PTPRZ1: variants seen among roughly 807,000 people sequenced by gnomAD.
PTPRZ1 encodes receptor-type tyrosine-protein phosphatase zeta.
In PTPRZ1, 82 loss-of-function variants were observed where a neutral mutation model predicts 214.1. That is an observed-to-expected ratio of 0.38 (90% CI 0.32 to 0.46). The LOEUF is 0.46. Among genes scored for constraint, PTPRZ1 ranks in the 20% least tolerant of loss-of-function variants. The pLI, the probability that PTPRZ1 is intolerant of heterozygous loss-of-function variation, is 1.00. For synonymous variants in PTPRZ1, 945 were observed against 987.9 expected (o/e 0.96, Z 0.81); for missense variants, 2,603 against 2,748.7 (o/e 0.95, Z 1.19).
chr7:121,994,473 T>A (rs988428467), intron 8 of PTPRZ1, among the ~76,000 whole-genome samples: 13 of 151,918 alleles, frequency 8.6e-5, no homozygotes, highest in African/African-American at 2.7e-4. Flanking sequence ...TTTTTGTATT[T>A]TTAGTAGAGA....
chr7:121,912,148 A>G (rs1381045356), intron 1 of PTPRZ1, among the ~76,000 whole-genome samples: 1 of 152,190 alleles, frequency 6.6e-6, no homozygotes, highest in Non-Finnish European at 1.5e-5. Flanking sequence ...AGCCCAGTAA[A>G]TCCTAGAGGG....
chr7:121,942,849 A>G (rs1796269484), intron 2 of PTPRZ1, among the ~76,000 whole-genome samples: 1 of 152,200 alleles, frequency 6.6e-6, no homozygotes, highest in African/African-American at 2.4e-5. Context: ...ACCACTTTCC[A>G]ATTTCCTAAT....
chr7:121,908,835 C>G (rs1795190304), intron 1 of PTPRZ1: 1 of 487,878 alleles, frequency 2.0e-6, no homozygotes, highest in Non-Finnish European at 4.0e-6. Flanking sequence ...ATGGGAAAGT[C>G]CAAATATAGT....
intron 6 of PTPRZ1, among the ~76,000 whole-genome samples, chr7:121,981,473 G>T (rs139298723): frequency 6.3e-4 from 96 of 152,330 alleles, no homozygotes; most frequent in African/African-American, 2.3e-3. Flanking sequence ...CAGAGGACTT[G>T]CACTGGGCTG....
intron 2 of PTPRZ1, among the ~76,000 whole-genome samples, chr7:121,958,081 C>G (rs1796766883): frequency 6.6e-6 from 1 of 152,136 alleles, no homozygotes; most frequent in Non-Finnish European, 1.5e-5. Context: ...ATTTCTCATC[C>G]TTGCGTCTGT....
At chr7:121,976,643 C>T (rs1190863079) in intron 5 of PTPRZ1, 142 bp from the exon 6 acceptor site, 45 of 608,078 alleles carry the variant, frequency 7.4e-5, no homozygotes, top group Non-Finnish European at 1.1e-4. Context: ...TTTGTTTTCA[C>T]CTAGCTATAA....
At chr7:121,890,810 C>T (rs1163055698) in intron 1 of PTPRZ1, among the ~76,000 whole-genome samples, 1 of 151,986 alleles carries the variant, frequency 6.6e-6, no homozygotes, top group Non-Finnish European at 1.5e-5. Context: ...ACTGGGACTA[C>T]AGGCATGTGC....
intron 13 of PTPRZ1, chr7:122,028,315 A>C: frequency 2.8e-6 from 1 of 362,856 alleles, no homozygotes; most frequent in Non-Finnish European, 5.0e-6. Context: ...CTGTGCTTTT[A>C]GCATGCCTGA....
At chr7:121,977,018 A>G (rs898462291) in intron 6 of PTPRZ1, among the ~76,000 whole-genome samples, 167 bp downstream of exon 6, 1 of 152,194 alleles carries the variant, frequency 6.6e-6, no homozygotes, top group African/African-American at 2.4e-5. Flanking sequence ...TTCTCACCAA[A>G]TAAATAACAA....
At chr7:121,914,390 C>T (rs1014161469) in intron 1 of PTPRZ1, among the ~76,000 whole-genome samples, 4 of 152,032 alleles carry the variant, frequency 2.6e-5, no homozygotes, top group Non-Finnish European at 5.9e-5. Context: ...TGTTTAAGGT[C>T]CCAAGTAAGC....
intron 1 of PTPRZ1, among the ~76,000 whole-genome samples, chr7:121,925,181 A>T (rs1230414784): frequency 6.6e-6 from 1 of 152,246 alleles, no homozygotes; most frequent in Non-Finnish European, 1.5e-5. Flanking sequence ...TATCTCTAAA[A>T]TAAGAATTAC....
chr7:122,058,876 T>G lies in PTPRZ1; in HGVS notation c.6605T>G (p.Phe2202Cys). The change falls in exon 28 of 30, where the codon TTT becomes TGT. Residue 2202 changes from phenylalanine to cysteine, a missense_variant. Physicochemically the swap from Phe to Cys is radical, Grantham distance 205. Transcript: ENST00000393386. Reference protein sequence around the residue: ...PNPDSPISKTFELISVIKEEA... With the variant: ...PNPDSPISKTCELISVIKEEA... ...CCAGATAGCCCCATTAGTAAAACTTTTGAACTTATAAGTGTTATAAAAGAA... is the reference window on the plus strand; with the variant it reads ...CCAGATAGCCCCATTAGTAAAACTTGTGAACTTATAAGTGTTATAAAAGAA... 3.1e-6 allele frequency: 5 copies of G among 1,593,980 alleles called. No individual in the cohort carries two copies. Among genetic ancestry groups the G allele is most frequent in the African/African-American group, 1.3e-5 (1 of 74,524 alleles).
intron 1 of PTPRZ1, among the ~76,000 whole-genome samples, chr7:121,925,289 C>A (rs1247822419): frequency 6.6e-6 from 1 of 152,080 alleles, no homozygotes; most frequent in Non-Finnish European, 1.5e-5. Flanking sequence ...CTCTTAACCC[C>A]GGAATTTAAC....
At chr7:121,925,290 G>A (rs1008963846) in intron 1 of PTPRZ1, among the ~76,000 whole-genome samples, 7 of 151,926 alleles carry the variant, frequency 4.6e-5, no homozygotes, top group African/African-American at 1.7e-4. Context: ...TCTTAACCCC[G>A]GAATTTAACT....
In PTPRZ1 at chr7:121,989,699, T is replaced by C. The variant is rs192242115; in HGVS notation, c.928+5582T>C. Reference sequence around the variant, plus strand: ...GAAAGTTTTTTCTTAATGGATATACTATCTCCTTCGGAACTGAATTTGAGA... The same window carrying C: ...GAAAGTTTTTTCTTAATGGATATACCATCTCCTTCGGAACTGAATTTGAGA... On this transcript the variant is annotated intron_variant, in intron 8 of 29. Coordinates refer to ENST00000393386, the MANE Select transcript of PTPRZ1 (RefSeq NM_002851.3). Among the ~76,000 whole-genome samples, 16 of 152,356 alleles carry C rather than the reference T, an allele frequency of 1.1e-4. No individual in the cohort carries two copies. In the East Asian group the frequency reaches 2.9e-3, roughly 28 times the overall value.
chr7:122,013,463 A>G lies in PTPRZ1; in HGVS notation c.4417A>G (p.Ile1473Val), dbSNP rs1420429231. ...CAGTCTTATGGATCAGAATAATCCAATCTCATACTCACTATCTGAGAATTC... is the reference window on the plus strand; with the variant it reads ...CAGTCTTATGGATCAGAATAATCCAGTCTCATACTCACTATCTGAGAATTC... ...ENSLMDQNNP[I>V]SYSLSENSEE... Residue 1473 changes from isoleucine (I) to valine (V), a missense_variant, in exon 12 of 30, where the codon ATC (isoleucine) becomes GTC (valine). By Grantham distance (29) the Ile-to-Val change is conservative. Coordinates refer to ENST00000393386, the MANE Select transcript of PTPRZ1 (RefSeq NM_002851.3). The G allele has an allele frequency of 1.9e-6, 3 of 1,614,046 alleles. No individual in the cohort carries two copies. The highest frequency in any genetic ancestry group is 4.5e-5 in the East Asian group (2 of 44,896).
intron 2 of PTPRZ1, among the ~76,000 whole-genome samples, chr7:121,963,945 C>T (rs542113559): frequency 4.6e-5 from 7 of 151,900 alleles, no homozygotes; most frequent in Non-Finnish European, 8.8e-5. Context: ...GTCCTAACCT[C>T]GTGTAGTTCA....
intron 1 of PTPRZ1, among the ~76,000 whole-genome samples, chr7:121,917,654 C>T (rs763201947): frequency 3.9e-5 from 6 of 151,998 alleles, no homozygotes; most frequent in Non-Finnish European, 5.9e-5. Context: ...TCTCTTGTTA[C>T]GGTATTATTG....
chr7:121,985,318 A>G (rs1489805219), intron 8 of PTPRZ1, among the ~76,000 whole-genome samples: 3 of 152,178 alleles, frequency 2.0e-5, no homozygotes, highest in African/African-American at 7.2e-5. Flanking sequence ...TCTTAAATAT[A>G]ATAGACCAAA....
Sources: gnomAD v4.1 joint callset for allele counts (sites outside exome capture counted in the v4.1 genomes callset) on GRCh38, gnomAD v4.1.1 for gene constraint, MANE v1.5 for transcripts, NCBI Gene and HGNC (gene_info 2026-07-23, HGNC 2026-07-21) for gene names.